The following LRBA variants were observed in gnomAD, a reference collection of about 807,000 sequenced individuals.
LRBA encodes the protein LPS responsive beige-like anchor protein, also known as lipopolysaccharide-responsive and beige-like anchor protein.
LRBA carries 176 observed loss-of-function variants against 330.0 expected under a neutral mutation model. The observed-to-expected ratio is 0.53, with a 90% confidence interval of 0.47 to 0.60. The LOEUF (loss-of-function observed/expected upper bound fraction) is 0.60. Ranked by LOEUF, LRBA falls within the 20% of genes least tolerant of loss-of-function variation. The probability of loss-of-function intolerance (pLI) is 0.00; values close to 1 mark genes in which losing one functional copy is unlikely to be tolerated. For synonymous variants in LRBA, 1,230 were observed against 1,193.0 expected, an observed-to-expected ratio of 1.03 and a Z score of -0.64; for missense variants, 3,259 against 3,444.8, an observed-to-expected ratio of 0.95 and a Z score of 1.35.
chr4:150,618,848 G>GTATATATATATATATATA (rs34589903), intron 37 of LRBA, among the ~76,000 whole-genome samples: 7 of 146,262 alleles, frequency 4.8e-5, no homozygotes, highest in East Asian at 2.0e-4. Context: ...ATGTGTGTAT[G>GTATATATATATATATATA]TATATATATA....
At chr4:150,564,494 A>G (rs1212724999) in intron 40 of LRBA, among the ~76,000 whole-genome samples, 1 of 152,210 alleles carries the variant, frequency 6.6e-6, no homozygotes, top group East Asian at 1.9e-4. Context: ...CTTCATGACT[A>G]AAACACCAAA....
chr4:150,520,964 G>A (rs1355395332), intron 40 of LRBA, among the ~76,000 whole-genome samples: 1 of 151,838 alleles, frequency 6.6e-6, no homozygotes, highest in Non-Finnish European at 1.5e-5. Flanking sequence ...GACCTAATTA[G>A]GTTATTTATT....
chr4:150,613,577 T>A (rs1202443657), intron 37 of LRBA, among the ~76,000 whole-genome samples: 1 of 152,092 alleles, frequency 6.6e-6, no homozygotes, highest in African/African-American at 2.4e-5. Context: ...TCATGAAGAA[T>A]CATTTTAGGA....
At position 150,876,377 on chromosome 4, in the gene LRBA, C is replaced by T. The variant is rs570344235; in HGVS notation, c.2166-3622G>A. On this transcript the variant is annotated intron_variant, in intron 17 of 56. Transcript: ENST00000651943. ...AAATCTAGAGAACATCACAAGATAC[C>T]ATACAAAATGAACATCACCACAGCA... 4.6e-5 allele frequency among the ~76,000 whole-genome samples: 7 copies of T among 152,056 alleles called. No homozygotes were observed. The South Asian group carries it at 6.2e-4, about 14-fold the overall frequency.
intron 40 of LRBA, among the ~76,000 whole-genome samples, chr4:150,500,636 A>C (rs1194716057): frequency 6.6e-6 from 1 of 152,182 alleles, no homozygotes; most frequent in Non-Finnish European, 1.5e-5. Context: ...CTAAATCTTC[A>C]AGTTAGAGTA....
At chr4:150,532,274 C>G (rs1225648866) in intron 40 of LRBA, among the ~76,000 whole-genome samples, 3 of 152,174 alleles carry the variant, frequency 2.0e-5, no homozygotes, top group Non-Finnish European at 1.5e-5. Context: ...AATTGAACTT[C>G]AATCACTTCA....
At chr4:150,581,483 T>C (rs1489830465) in intron 40 of LRBA, 2 of 289,628 alleles carry the variant, frequency 6.9e-6, no homozygotes, top group African/African-American at 4.4e-5. Flanking sequence ...CCATTTGCCT[T>C]CAAGCCAAAG....
intron 4 of LRBA, among the ~76,000 whole-genome samples, chr4:150,924,514 A>G (rs1472607573): frequency 1.3e-5 from 2 of 152,170 alleles, no homozygotes; most frequent in Non-Finnish European, 2.9e-5. Flanking sequence ...TCTGTCTGAA[A>G]AAGAAAAAGA....
intron 45 of LRBA, among the ~76,000 whole-genome samples, chr4:150,436,124 A>G (rs1032999853): frequency 4.6e-5 from 7 of 152,168 alleles, no homozygotes; most frequent in African/African-American, 1.7e-4. Context: ...TTAGTTAAAG[A>G]ACACTTAAAC....
At chr4:150,862,788 G>A (rs1361568511) in intron 22 of LRBA, among the ~76,000 whole-genome samples, 1 of 151,872 alleles carries the variant, frequency 6.6e-6, no homozygotes, top group Non-Finnish European at 1.5e-5. Context: ...ACTAGCCTGG[G>A]CAACGTGGTG....
chr4:150,508,536 A>T (rs943392361), intron 40 of LRBA, among the ~76,000 whole-genome samples: 2 of 152,022 alleles, frequency 1.3e-5, no homozygotes, highest in Non-Finnish European at 2.9e-5. Flanking sequence ...TGATCCACCC[A>T]CCTTGGCCTC....
chr4:150,986,180 C>G (rs982287118), intron 2 of LRBA, among the ~76,000 whole-genome samples: 2 of 152,116 alleles, frequency 1.3e-5, no homozygotes, highest in Non-Finnish European at 2.9e-5. Context: ...TAGCAGTCCC[C>G]AACCTTTATG....
chr4:150,287,200 G>C (rs780722040), intron 53 of LRBA, among the ~76,000 whole-genome samples: 4 of 152,166 alleles, frequency 2.6e-5, no homozygotes, highest in Non-Finnish European at 4.4e-5. Flanking sequence ...TATCCTTGGA[G>C]CAGTCACCCA....
chr4:150,952,819 C>T (rs2149547038), intron 2 of LRBA, among the ~76,000 whole-genome samples: 2 of 152,298 alleles, frequency 1.3e-5, no homozygotes, highest in South Asian at 4.1e-4. Context: ...TCCCGGAGCA[C>T]AGACGGAAGC....
At chr4:150,726,641 A>C (rs115065761) in intron 36 of LRBA, among the ~76,000 whole-genome samples, 2,167 of 152,244 alleles carry the variant, frequency 0.014, 57 homozygotes, top group African/African-American at 0.048. Context: ...GAAAGAGAAG[A>C]GTGAAGGAGG....
chr4:151,013,005 T>A (rs1395124663), intron 2 of LRBA: 1 of 152,136 alleles, frequency 6.6e-6, no homozygotes, highest in Non-Finnish European at 1.5e-5. Flanking sequence ...CCTCAAGTGA[T>A]GTGCCCGCCT....
intron 40 of LRBA, among the ~76,000 whole-genome samples, chr4:150,535,731 G>T (rs1263420352): frequency 6.6e-6 from 1 of 152,072 alleles, no homozygotes; most frequent in Non-Finnish European, 1.5e-5. Flanking sequence ...TTCCTATGTT[G>T]TTTCCTAAAT....
intron 40 of LRBA, among the ~76,000 whole-genome samples, chr4:150,584,899 C>G (rs894350437): frequency 2.6e-5 from 4 of 152,122 alleles, no homozygotes; most frequent in Admixed American, 2.0e-4. Flanking sequence ...TTTTACTCAA[C>G]TATAATATAT....
At chr4:150,996,069 CAAAA>C (rs34323309) in intron 2 of LRBA, among the ~76,000 whole-genome samples, 4 of 125,226 alleles carry the variant, frequency 3.2e-5, no homozygotes, top group African/African-American at 2.9e-5. Context: ...CAACAACAAC[CAAAA>C]AAAAAAAAAA....
Sources: gnomAD v4.1 joint callset for allele counts (sites outside exome capture counted in the v4.1 genomes callset) on GRCh38, gnomAD v4.1.1 for gene constraint, MANE v1.5 for transcripts, NCBI Gene and HGNC (gene_info 2026-07-23, HGNC 2026-07-21) for gene names.